ZNF180: variants seen among roughly 807,000 people sequenced by gnomAD.
ZNF180 encodes the protein zinc finger protein 180 (HHZ168).
Under a neutral mutation model 11.8 loss-of-function variants are expected in ZNF180, and 11 were observed. That is an observed-to-expected ratio of 0.93 (90% CI 0.59 to 1.55). ZNF180 has a LOEUF of 1.55. Among genes scored for constraint, ZNF180 ranks in the 40% most tolerant of loss-of-function variants. The probability of loss-of-function intolerance (pLI) is 0.00; values close to 1 mark genes in which losing one functional copy is unlikely to be tolerated. For synonymous variants in ZNF180, 287 were observed against 257.7 expected (o/e 1.11, Z -1.09); for missense variants, 773 against 781.7 (o/e 0.99, Z 0.13).
chr19:44,479,231 T>C, intron 4 of ZNF180, 52 bp downstream of exon 4: 1 of 1,592,030 alleles, frequency 6.3e-7, no homozygotes, highest in Non-Finnish European at 8.5e-7. Context: ...TCGATCAGAA[T>C]GTGAAATCAT....
chr19:44,497,184 A>G, intron 2 of ZNF180, 100 bp downstream of exon 2: 1 of 1,059,752 alleles, frequency 9.4e-7, no homozygotes, highest in Non-Finnish European at 1.3e-6. Context: ...AGGGCCTCAA[A>G]CCCCCTAAAA....
At chr19:44,489,994 C>CAAGA (rs1006188886) in intron 2 of ZNF180, among the ~76,000 whole-genome samples, 1 of 53,360 alleles carries the variant, frequency 1.9e-5, no homozygotes, top group Non-Finnish European at 3.2e-5. Flanking sequence ...AAAGAAAAAG[C>CAAGA]AAGAAAGAAA....
chr19:44,482,873 C>T (rs1180729910), intron 3 of ZNF180, among the ~76,000 whole-genome samples: 1 of 152,154 alleles, frequency 6.6e-6, no homozygotes, highest in Non-Finnish European at 1.5e-5. Flanking sequence ...AGACATATGC[C>T]TAAGGTTAGT....
Position 44,479,328 on chromosome 19 carries a change from C to A in ZNF180, c.208G>T (p.Asp70Tyr). The change falls in exon 4 of 5, where the codon GAC becomes TAC. Residue 70 changes from aspartate to tyrosine, a missense_variant. By Grantham distance (160) the Asp-to-Tyr change is radical. Transcript: ENST00000592529. ...GTCNPAQRTL[D>Y]RDVILENHRD... Reference sequence around the variant, plus strand: ...TGGTTCTCCAGGATCACATCTCTGTCCAGGGTCCTCTGAGCAGGGTTGCAA... The same window carrying A: ...TGGTTCTCCAGGATCACATCTCTGTACAGGGTCCTCTGAGCAGGGTTGCAA... The A allele has an allele frequency of 1.2e-6, 2 of 1,613,976 alleles. No individual in the cohort carries two copies. Among genetic ancestry groups the A allele is most frequent in the Non-Finnish European group, 8.5e-7 (1 of 1,179,916 alleles).
intron 3 of ZNF180, among the ~76,000 whole-genome samples, chr19:44,479,959 A>T (rs1486178024): frequency 6.6e-6 from 1 of 152,274 alleles, no homozygotes; most frequent in Non-Finnish European, 1.5e-5. Flanking sequence ...TACTTTGCTA[A>T]TGCATGAGAC....
chr19:44,478,256 C>T (rs1418182895), intron 4 of ZNF180, 110 bp from the exon 5 acceptor site: 3 of 1,207,474 alleles, frequency 2.5e-6, no homozygotes, highest in African/African-American at 3.1e-5. Context: ...TTTTCAAATA[C>T]TGACCGATAA....
At position 44,476,752 on chromosome 19, in the gene ZNF180, A is replaced by T. The variant is rs1301492872; in HGVS notation, c.1648T>A (p.Tyr550Asn). 2.5e-6 allele frequency: 4 copies of T among 1,614,042 alleles called. No individual in the cohort carries two copies. The South Asian group carries it at 4.4e-5, about 18-fold the overall frequency. ...GATTTCCCACACTGATTACATTCAT[A>T]CGGTTTTTCCCCAGTGTGAATTCTC... ...HQRIHTGEKP[Y>N]ECNQCGKSFS... The change falls in exon 5 of 5, where the codon TAT becomes AAT. Residue 550 changes from tyrosine (Y) to asparagine (N), a missense_variant. By Grantham distance (143) the Tyr-to-Asn change is moderately radical. Transcript: ENST00000592529.
At chr19:44,478,251 A>T in intron 4 of ZNF180, 105 bp from the exon 5 acceptor site, 3 of 1,245,790 alleles carry the variant, frequency 2.4e-6, no homozygotes, top group Non-Finnish European at 3.2e-6. Flanking sequence ...ATTTGTTTTC[A>T]AATACTGACC....
chr19:44,485,722 A>G (rs1970212300), intron 2 of ZNF180, among the ~76,000 whole-genome samples: 1 of 152,204 alleles, frequency 6.6e-6, no homozygotes. Context: ...GAAATCCTTA[A>G]AGATTCACAA....
chr19:44,482,574 C>G (rs1476782918), intron 3 of ZNF180, among the ~76,000 whole-genome samples: 1 of 152,122 alleles, frequency 6.6e-6, no homozygotes, highest in Non-Finnish European at 1.5e-5. Context: ...CCACCCCCAC[C>G]CCATTCACTG....
At chr19:44,485,255 T>TA (rs1970199112) in intron 2 of ZNF180, 1 of 150,184 alleles carries the variant, frequency 6.7e-6, no homozygotes. Flanking sequence ...CAGTAAAAGG[T>TA]AGCCTCAACT....
In ZNF180 at chr19:44,476,615, T is replaced by C. The variant is rs368909747; in HGVS notation, c.1785A>G (p.Gln595=). 3.8e-5 allele frequency: 61 copies of C among 1,613,984 alleles called. No individual in the cohort carries two copies. Among genetic ancestry groups the C allele is most frequent in the Non-Finnish European group, 5.1e-5 (60 of 1,179,996 alleles). ...TCTCTCCAGTATGAGTTCTCTGATG[T>C]TGAGTAAGGCATGAACTCTGTCTGA... ...KSFRQSSCLT[Q]HQRTHTGEKP... The change falls in exon 5 of 5, where the codon CAA becomes CAG. Residue 595 remains glutamine (Q), a synonymous_variant. Coordinates refer to ENST00000592529, the MANE Select transcript of ZNF180 (RefSeq NM_001278509.3).
intron 2 of ZNF180, among the ~76,000 whole-genome samples, chr19:44,488,146 C>G (rs1196534911): frequency 1.4e-4 from 16 of 117,064 alleles, no homozygotes; most frequent in Admixed American, 2.5e-4. Context: ...CCACGGTCTC[C>G]CTCTCCCTCT....
chr19:44,496,716 G>GAAAATACA (rs1326536445), intron 2 of ZNF180: 2 of 131,420 alleles, frequency 1.5e-5, no homozygotes, highest in African/African-American at 5.9e-5. Flanking sequence ...AAAAGAAAAA[G>GAAAATACA]AAAATACAGA....
intron 2 of ZNF180, among the ~76,000 whole-genome samples, chr19:44,487,369 A>G (rs1970256327): frequency 6.6e-6 from 1 of 152,218 alleles, no homozygotes; most frequent in Non-Finnish European, 1.5e-5. Flanking sequence ...AGAAGGCCCA[A>G]TGTGAAAGCC....
At chr19:44,480,957 T>G (rs2571048) in intron 3 of ZNF180, among the ~76,000 whole-genome samples, 93,736 of 152,040 alleles carry the variant, frequency 0.62, 30,035 homozygotes, top group East Asian at 0.89. Context: ...TATTCTGAAC[T>G]CTCAGTCTTC....
chr19:44,488,140 G>A (rs1438179516), intron 2 of ZNF180, among the ~76,000 whole-genome samples: 4 of 119,814 alleles, frequency 3.3e-5, no homozygotes, highest in Admixed American at 1.6e-4. Flanking sequence ...CTCTTTCCAC[G>A]GTCTCCCTCT....
intron 2 of ZNF180, among the ~76,000 whole-genome samples, chr19:44,489,815 CGAAAGAAAA>C (rs1287478532): frequency 7.6e-5 from 6 of 78,530 alleles, no homozygotes; most frequent in South Asian, 6.1e-4. Flanking sequence ...TAAACTTGAC[CGAAAGAAAA>C]GAAAGAAAAG....
At chr19:44,481,387 G>A (rs577374113) in intron 3 of ZNF180, among the ~76,000 whole-genome samples, 7 of 152,084 alleles carry the variant, frequency 4.6e-5, no homozygotes, top group Admixed American at 6.5e-5. Context: ...AAAATAACTC[G>A]CCAACTGCTG....
Sources: allele counts gnomAD v4.1 joint callset (sites outside exome capture counted in the v4.1 genomes callset), GRCh38; gene constraint gnomAD v4.1.1; transcripts MANE v1.5; gene names NCBI Gene and HGNC (gene_info 2026-07-23, HGNC 2026-07-21).